The following TYW1 variants were observed in gnomAD, a reference collection of about 807,000 sequenced individuals.
The protein encoded by TYW1 is S-adenosyl-L-methionine-dependent tRNA 4-demethylwyosine synthase TYW1.
TYW1 carries 46 observed loss-of-function variants against 96.2 expected under a neutral mutation model. The ratio of observed to expected loss-of-function variants is 0.48; its 90% CI spans 0.38 to 0.61. The LOEUF is 0.61. Among genes scored for constraint, TYW1 ranks in the 20% least tolerant of loss-of-function variants. The pLI is 0.00. For missense variants in TYW1, 684 were observed against 909.6 expected (o/e 0.75, Z 3.19); for synonymous variants, 274 against 323.0 (o/e 0.85, Z 1.63).
chr7:67,107,542 A>G (rs767259807), intron 12 of TYW1, among the ~76,000 whole-genome samples: 1 of 152,138 alleles, frequency 6.6e-6, no homozygotes, highest in Non-Finnish European at 1.5e-5. Flanking sequence ...ATGTTGGAGG[A>G]TAACTTTTCA....
intron 15 of TYW1, among the ~76,000 whole-genome samples, chr7:67,204,474 T>C (rs192194185): frequency 2.4e-4 from 37 of 151,212 alleles, no homozygotes; most frequent in Admixed American, 2.1e-3. Context: ...CTCCCTCCCT[T>C]CCTTCCTTCC....
chr7:67,193,897 A>G (rs190472340), intron 14 of TYW1, among the ~76,000 whole-genome samples: 2 of 151,974 alleles, frequency 1.3e-5, no homozygotes, highest in Non-Finnish European at 1.5e-5. Flanking sequence ...AGGGGTGCAC[A>G]TGCCTTTCTC....
At chr7:67,082,212 A>G (rs1414395698) in intron 10 of TYW1, among the ~76,000 whole-genome samples, 2 of 151,986 alleles carry the variant, frequency 1.3e-5, no homozygotes, top group African/African-American at 4.8e-5. Context: ...TTTTTACTAC[A>G]TTGATATCTG....
chr7:67,073,428 C>T (rs763775781), intron 10 of TYW1, among the ~76,000 whole-genome samples: 11 of 152,102 alleles, frequency 7.2e-5, no homozygotes, highest in Admixed American at 6.6e-4. Flanking sequence ...CCATGGTCTA[C>T]AGTTACTATT....
rs35069275 is a variant in TYW1 at position 67,193,759 on chromosome 7, C to CAAA, written c.1810-1395_1810-1393dup. ...GGGCAACAAGAATGAGACTCTGTCTCAAAAAAAAAAAAAAAAAATTCAGTG... is the reference window on the plus strand; with the variant it reads ...GGGCAACAAGAATGAGACTCTGTCTCAAAAAAAAAAAAAAAAAAAAATTCAGTG... On this transcript the variant is annotated intron_variant, in intron 14 of 15. Coordinates refer to ENST00000359626, the MANE Select transcript of TYW1 (RefSeq NM_018264.4). Among the ~76,000 whole-genome samples, 585 of 116,142 alleles carry CAAA rather than the reference C, an allele frequency of 5.0e-3. 6 individuals are homozygous for CAAA. Among genetic ancestry groups the CAAA allele is most frequent in the African/African-American group, 0.016 (482 of 30,758 alleles). 76.2% of individuals were successfully genotyped at this position (116,142 alleles called of 152,430 possible). A position where few individuals can be genotyped will look rare whatever the true frequency, so the allele number is the denominator to read the frequency against.
intron 12 of TYW1, 87 bp from the exon 13 acceptor site, chr7:67,117,396 G>A: frequency 6.8e-7 from 1 of 1,469,070 alleles, no homozygotes; most frequent in Non-Finnish European, 9.1e-7. Flanking sequence ...TAATCCCCAT[G>A]TCTATTACAG....
At chr7:67,192,475 C>T (rs1157294774) in intron 14 of TYW1, among the ~76,000 whole-genome samples, 1 of 152,158 alleles carries the variant, frequency 6.6e-6, no homozygotes, top group Non-Finnish European at 1.5e-5. Flanking sequence ...AAAGAAAGTC[C>T]TTTGAAGTAG....
At chr7:67,217,846 CTTTTTTTTTTTTT>C (rs57748332) in intron 15 of TYW1, among the ~76,000 whole-genome samples, 4 of 69,234 alleles carry the variant, frequency 5.8e-5, no homozygotes, top group Admixed American at 1.8e-4. Context: ...GTGTTGATGT[CTTTTTTTTTTTTT>C]TTTTTTTTTT....
intron 12 of TYW1, 40 bp downstream of exon 12, chr7:67,098,758 A>G (rs772973227): frequency 2.1e-5 from 32 of 1,526,154 alleles, no homozygotes; most frequent in Admixed American, 6.8e-5. Flanking sequence ...GCTTGAATCT[A>G]TGTTTCACTG....
intron 8 of TYW1, 47 bp from the exon 9 acceptor site, chr7:67,055,788 G>C: frequency 6.8e-7 from 1 of 1,463,224 alleles, no homozygotes; most frequent in Non-Finnish European, 9.2e-7. Context: ...TTTTTGATAT[G>C]ACGCTTTGGA....
intron 15 of TYW1, among the ~76,000 whole-genome samples, chr7:67,210,855 C>G (rs930147787): frequency 6.6e-6 from 1 of 151,266 alleles, no homozygotes; most frequent in South Asian, 2.1e-4. Flanking sequence ...TCCATCCATC[C>G]ACCTTCTATC....
intron 7 of TYW1, among the ~76,000 whole-genome samples, chr7:67,029,583 A>G (rs1346201621): frequency 6.6e-6 from 1 of 151,904 alleles, no homozygotes; most frequent in Admixed American, 6.6e-5. Context: ...GCAGAGTCCT[A>G]TAGAAGACTG....
At chr7:67,199,832 A>C (rs559621171) in intron 15 of TYW1, among the ~76,000 whole-genome samples, 1 of 152,310 alleles carries the variant, frequency 6.6e-6, no homozygotes, top group Non-Finnish European at 1.5e-5. Context: ...GCCATTATCA[A>C]CATTAAAAGT....
intron 13 of TYW1, among the ~76,000 whole-genome samples, chr7:67,128,927 G>A (rs1192148096): frequency 6.6e-6 from 1 of 152,114 alleles, no homozygotes; most frequent in African/African-American, 2.4e-5. Flanking sequence ...AACCTCAAAT[G>A]ATCCACCTGC....
At chr7:67,014,303 A>G (rs1265726958) in intron 4 of TYW1, 64 bp from the exon 5 acceptor site, 36 of 1,517,504 alleles carry the variant, frequency 2.4e-5, no homozygotes, top group Non-Finnish European at 3.2e-5. Context: ...TTTTCAAAGG[A>G]TTTTCTTCAT....
intron 12 of TYW1, among the ~76,000 whole-genome samples, chr7:67,099,149 C>T (rs1797012885): frequency 6.6e-6 from 1 of 151,996 alleles, no homozygotes; most frequent in Non-Finnish European, 1.5e-5. Context: ...TCTCAGCCTC[C>T]TGAGTAGCTG....
At position 67,034,250 on chromosome 7, in the gene TYW1, T is replaced by C. The variant is rs184065296; in HGVS notation, c.984+9228T>C. Reference sequence around the variant, plus strand: ...TCCCGAGTAGCTGGGATTACAGATGTGTGCCACCACACCTGGCTATTTTTG... The same window carrying C: ...TCCCGAGTAGCTGGGATTACAGATGCGTGCCACCACACCTGGCTATTTTTG... On this transcript the variant is annotated intron_variant, in intron 7 of 15. Transcript: ENST00000359626. 3.9e-3 allele frequency among the ~76,000 whole-genome samples: 587 copies of C among 151,296 alleles called. 3 individuals are homozygous for C. The highest frequency in any genetic ancestry group is 0.013 in the African/African-American group (545 of 41,328).
At chr7:67,011,942 G>A (rs559428505) in intron 4 of TYW1, among the ~76,000 whole-genome samples, 1 of 151,772 alleles carries the variant, frequency 6.6e-6, no homozygotes, top group Non-Finnish European at 1.5e-5. Context: ...GGGCCAGGTA[G>A]TATCTTCACC....
intron 10 of TYW1, among the ~76,000 whole-genome samples, chr7:67,072,412 A>G (rs1369030987): frequency 6.6e-6 from 1 of 152,022 alleles, no homozygotes; most frequent in East Asian, 1.9e-4. Context: ...ATGCCCTGCT[A>G]ATTTTTTGTA....
Sources: gnomAD v4.1 joint callset for allele counts (sites outside exome capture counted in the v4.1 genomes callset) on GRCh38, gnomAD v4.1.1 for gene constraint, MANE v1.5 for transcripts, NCBI Gene and HGNC (gene_info 2026-07-23, HGNC 2026-07-21) for gene names.